Variants in PARP4 observed in about 807,000 individuals in gnomAD.
PARP4 encodes protein mono-ADP-ribosyltransferase PARP4.
PARP4 carries 120 observed loss-of-function variants against 187.7 expected under a neutral mutation model. The ratio of observed to expected loss-of-function variants is 0.64; its 90% CI spans 0.55 to 0.74. The LOEUF (loss-of-function observed/expected upper bound fraction) is 0.74, where lower values mean the gene tolerates loss of function less well. Ranked by LOEUF, PARP4 falls within the 30% of genes least tolerant of loss-of-function variation. The pLI is 0.00. For synonymous variants in PARP4, 654 were observed against 740.9 expected (o/e 0.88, Z 1.90); for missense variants, 1,836 against 2,070.5 (o/e 0.89, Z 2.20).
At chr13:24,498,050 G>C in intron 6 of PARP4, 66 bp downstream of exon 6, 3 of 1,131,756 alleles carry the variant, frequency 2.7e-6, no homozygotes, top group Non-Finnish European at 3.9e-6. Context: ...GAGGTCGGCT[G>C]ATTCATTGAA....
intron 20 of PARP4, among the ~76,000 whole-genome samples, chr13:24,458,195 C>T (rs1197539353): frequency 3.6e-4 from 55 of 151,556 alleles, no homozygotes; most frequent in Non-Finnish European, 5.0e-4. Flanking sequence ...CTGCAAGCTC[C>T]GCCTCCTGGG....
At chr13:24,493,195 G>T (rs1868758032) in intron 8 of PARP4, among the ~76,000 whole-genome samples, 1 of 152,212 alleles carries the variant, frequency 6.6e-6, no homozygotes, top group Admixed American at 6.5e-5. Flanking sequence ...CTGGAGGCAT[G>T]CCTGCCTTTC....
At chr13:24,505,359 A>G (rs1424091377) in intron 1 of PARP4, among the ~76,000 whole-genome samples, 2 of 151,738 alleles carry the variant, frequency 1.3e-5, no homozygotes, top group Non-Finnish European at 2.9e-5. Flanking sequence ...CAAGATATCG[A>G]TAAGATGTTC....
In PARP4 at chr13:24,475,497, C is replaced by T. The variant is rs1184575819; in HGVS notation, c.1889G>A (p.Gly630Glu). The change falls in exon 15 of 34, where the codon GGG becomes GAG. Residue 630 changes from glycine to glutamate, a missense_variant. Gly to Glu is a moderately conservative substitution (Grantham distance 98, BLOSUM62 -2). Transcript: ENST00000381989. ...CTGGGCTACAGTGTCTATGATTCTCCCTTTGATGTGGACATCCTCCAGAGG... is the reference window on the plus strand; with the variant it reads ...CTGGGCTACAGTGTCTATGATTCTCTCTTTGATGTGGACATCCTCCAGAGG... ...LVPLEDVHIK[G>E]RIIDTVAQVI... is the part of the protein sequence containing the mutation. 2 of 1,614,028 alleles carry T rather than the reference C, an allele frequency of 1.2e-6. No individual in the cohort carries two copies.
intron 15 of PARP4, among the ~76,000 whole-genome samples, chr13:24,474,974 T>TA (rs1200118513): frequency 3.9e-5 from 6 of 152,180 alleles, no homozygotes; most frequent in African/African-American, 1.4e-4. Context: ...GCCTCCTTCC[T>TA]ACCTCTGAGC....
rs775005723 is a variant in PARP4, at chr13:24,490,731, T to A, written c.1151A>T (p.His384Leu). The A allele has an allele frequency of 2.7e-5, 43 of 1,614,070 alleles. No homozygotes were observed. The highest frequency in any genetic ancestry group is 3.6e-5 in the Non-Finnish European group (43 of 1,179,904). ...KYRALRCKIEHVEQNTEEFLR... is the reference protein window; with the variant it reads ...KYRALRCKIELVEQNTEEFLR... Reference sequence around the variant, plus strand: ...AAATTCTTCAGTATTCTGTTCAACATGCTCAATTTTGCACCTCAAAGCTCG... The same window carrying A: ...AAATTCTTCAGTATTCTGTTCAACAAGCTCAATTTTGCACCTCAAAGCTCG... The change falls in exon 10 of 34, where the codon CAT becomes CTT. Residue 384 changes from histidine (H) to leucine (L), a missense_variant. By Grantham distance (99) the His-to-Leu change is moderately conservative. Around this residue, in one of 8 missense-constraint regions of PARP4, gnomAD observed 1,147 missense variants for 1,214.2 expected, o/e 0.94. Transcript: ENST00000381989.
At chr13:24,440,237 A>G in intron 30 of PARP4, among the ~76,000 whole-genome samples, 1 of 151,852 alleles carries the variant, frequency 6.6e-6, no homozygotes, top group Non-Finnish European at 1.5e-5. Context: ...ATCTCTACTA[A>G]AAATACAAAA....
chr13:24,466,597 C>G (rs1260614900), intron 17 of PARP4, among the ~76,000 whole-genome samples: 1 of 151,884 alleles, frequency 6.6e-6, no homozygotes, highest in African/African-American at 2.4e-5. Flanking sequence ...CGGTTTGAGA[C>G]CAGCCTGGCC....
At chr13:24,458,505 A>G (rs1872007266) in intron 20 of PARP4, among the ~76,000 whole-genome samples, 1 of 151,918 alleles carries the variant, frequency 6.6e-6, no homozygotes, top group Non-Finnish European at 1.5e-5. Context: ...TGATCCAAGG[A>G]GGTCAAGGAT....
rs185030089 is a variant in PARP4 at position 24,493,543 on chromosome 13, A to G, written c.879+53T>C. The G allele has an allele frequency of 2.3e-5, 36 of 1,570,458 alleles. No homozygotes were observed. In the East Asian group the frequency reaches 7.2e-4, roughly 31 times the overall value. On this transcript the variant is annotated intron_variant, in intron 8 of 33. Coordinates refer to ENST00000381989, the MANE Select transcript of PARP4 (RefSeq NM_006437.4). ...AACACACGTGTTATTGCTGAAGCCAATCAACCAGGAGGCAGATTTTTCACA... is the reference window on the plus strand; with the variant it reads ...AACACACGTGTTATTGCTGAAGCCAGTCAACCAGGAGGCAGATTTTTCACA...
chr13:24,497,990 T>G, intron 6 of PARP4, 126 bp downstream of exon 6: 1 of 606,726 alleles, frequency 1.6e-6, no homozygotes, highest in Non-Finnish European at 2.9e-6. Context: ...CCTGTTGCAT[T>G]TATTAATAGC....
At chr13:24,486,343 T>C (rs1252570767) in intron 10 of PARP4, 38 bp from the exon 11 acceptor site, 1 of 1,418,482 alleles carries the variant, frequency 7.0e-7, no homozygotes, top group East Asian at 2.3e-5. Context: ...GATTACATAA[T>C]TGGAAACAAA....
intron 15 of PARP4, among the ~76,000 whole-genome samples, chr13:24,471,323 C>A (rs1872720441): frequency 6.6e-6 from 1 of 152,200 alleles, no homozygotes; most frequent in Non-Finnish European, 1.5e-5. Context: ...AGTTAGCAGG[C>A]CCGCCTTTGC....
intron 33 of PARP4, among the ~76,000 whole-genome samples, chr13:24,423,479 C>T (rs894684337): frequency 1.5e-4 from 22 of 151,202 alleles, no homozygotes; most frequent in African/African-American, 4.6e-4. Context: ...TGCAGTGAGC[C>T]GAGATCGTGC....
At chr13:24,509,210 A>C (rs560940192) in intron 1 of PARP4, among the ~76,000 whole-genome samples, 1 of 152,360 alleles carries the variant, frequency 6.6e-6, no homozygotes, top group East Asian at 1.9e-4. Context: ...TAAATTATTA[A>C]AAATTATTGA....
intron 17 of PARP4, among the ~76,000 whole-genome samples, chr13:24,466,347 A>G (rs146186313): frequency 0.025 from 3,788 of 152,134 alleles, 89 homozygotes; most frequent in African/African-American, 0.069. Flanking sequence ...ACACCCAGCT[A>G]ATTTTTGTAT....
At chr13:24,500,284 A>T (rs767166991) in intron 4 of PARP4, 32 bp downstream of exon 4, 2 of 1,329,866 alleles carry the variant, frequency 1.5e-6, no homozygotes, top group South Asian at 2.5e-5. Context: ...CAAACTCTGT[A>T]GAGTCCCAGG....
At chr13:24,482,286 G>A (rs2137517844) in intron 12 of PARP4, among the ~76,000 whole-genome samples, 1 of 152,342 alleles carries the variant, frequency 6.6e-6, no homozygotes, top group Middle Eastern at 3.4e-3. Flanking sequence ...GAACACTGTT[G>A]AACTGACAAC....
chr13:24,500,913 T>C (rs1043475111), intron 3 of PARP4, among the ~76,000 whole-genome samples: 1 of 152,238 alleles, frequency 6.6e-6, no homozygotes, highest in Non-Finnish European at 1.5e-5. Context: ...ATCAGTGTAT[T>C]TGTAGTAATT....
Sources: gnomAD v4.1 joint callset for allele counts (sites outside exome capture counted in the v4.1 genomes callset) on GRCh38, gnomAD v4.1.1 for gene constraint, gnomAD v4.1.1 regional missense constraint, MANE v1.5 for transcripts, NCBI Gene and HGNC (gene_info 2026-07-23, HGNC 2026-07-21) for gene names.